The following ZNF469 variants were observed in gnomAD, a reference collection of about 807,000 sequenced individuals.
ZNF469 encodes the protein zinc finger protein 469.
In ZNF469, 1 loss-of-function variant was observed where a neutral mutation model predicts 1.0. The observed-to-expected ratio is 1.00, with a 90% confidence interval of 0.35 to 4.73. The LOEUF (loss-of-function observed/expected upper bound fraction) is 4.73, where lower values mean the gene tolerates loss of function less well. Among genes scored for constraint, ZNF469 ranks in the 30% most tolerant of loss-of-function variants. The probability of loss-of-function intolerance (pLI) is 0.16; values close to 1 mark genes in which losing one functional copy is unlikely to be tolerated. For synonymous variants in ZNF469, 2,703 were observed against 2,363.4 expected (o/e 1.14, Z -4.17); for missense variants, 6,100 against 5,356.3 (o/e 1.14, Z -4.33).
chr16:88,362,289 A>G, the ZNF469 span, among the ~76,000 whole-genome samples: 1 of 152,172 alleles, frequency 6.6e-6, no homozygotes, highest in Non-Finnish European at 1.5e-5. Context: ...AAAATGTGGA[A>G]AGAGCTTTGC....
chr16:88,256,904 T>TCTCTCTCTCTCTC, the ZNF469 span, among the ~76,000 whole-genome samples: 8 of 15,848 alleles, frequency 5.0e-4, no homozygotes, highest in African/African-American at 1.6e-3. Flanking sequence ...CCTTCTTTCT[T>TCTCTCTCTCTCTC]TCTTTCTTTC....
the ZNF469 span, among the ~76,000 whole-genome samples, chr16:88,138,295 T>G: frequency 6.6e-6 from 1 of 152,218 alleles, no homozygotes; most frequent in Non-Finnish European, 1.5e-5. Context: ...CATGTCCTAG[T>G]GCTGGGATCG....
the ZNF469 span, among the ~76,000 whole-genome samples, chr16:88,163,013 A>T: frequency 2.0e-5 from 3 of 151,328 alleles, no homozygotes; most frequent in African/African-American, 7.3e-5. Context: ...GGGTAGATGG[A>T]TGTGTGGATT....
chr16:88,340,253 G>A, the ZNF469 span, among the ~76,000 whole-genome samples: 1 of 152,202 alleles, frequency 6.6e-6, no homozygotes, highest in African/African-American at 2.4e-5. Flanking sequence ...CAGGCACAGA[G>A]CACCTCATAG....
intron 1 of ZNF469, among the ~76,000 whole-genome samples, chr16:88,420,904 A>G (rs1905436538): frequency 6.6e-6 from 1 of 151,330 alleles, no homozygotes; most frequent in Non-Finnish European, 1.5e-5. Flanking sequence ...GCTGGCCCCA[A>G]AGCCCCCTGT....
At chr16:88,125,240 G>A in the ZNF469 span, among the ~76,000 whole-genome samples, 4 of 152,180 alleles carry the variant, frequency 2.6e-5, no homozygotes, top group African/African-American at 7.2e-5. Flanking sequence ...TCTTTACACT[G>A]GCATGCTGTC....
the ZNF469 span, among the ~76,000 whole-genome samples, chr16:88,223,475 T>A: frequency 6.6e-6 from 1 of 152,310 alleles, no homozygotes; most frequent in South Asian, 2.1e-4. Flanking sequence ...AGAGGCTGAG[T>A]AAACACCATG....
chr16:88,439,166 G>A lies in ZNF469; in HGVS notation c.11696G>A (p.Arg3899Lys). ...CTGGGCAAGGCCTTCCCCCAGGGGA[G>A]ACCCCTGCTCAGGCCCCCCAAGAGG... The part of the protein sequence containing the change: ...DRLGKAFPQG[R>K]PLLRPPKRGT... Residue 3899 changes from arginine (R) to lysine (K), a missense_variant, in exon 3 of 3, where the codon AGA (arginine) becomes AAA (lysine). Physicochemically the swap from Arg to Lys is conservative, Grantham distance 26. Transcript: ENST00000565624. 3 of 1,550,552 alleles carry A rather than the reference G, an allele frequency of 1.9e-6. No individual in the cohort carries two copies. Among genetic ancestry groups the A allele is most frequent in the Non-Finnish European group, 2.6e-6 (3 of 1,146,984 alleles).
the ZNF469 span, among the ~76,000 whole-genome samples, chr16:88,298,840 T>C: frequency 6.6e-6 from 1 of 152,092 alleles, no homozygotes; most frequent in Non-Finnish European, 1.5e-5. Flanking sequence ...AAAATCCACA[T>C]CCCTGTAGGG....
At chr16:88,144,639 G>T in the ZNF469 span, among the ~76,000 whole-genome samples, 1 of 152,278 alleles carries the variant, frequency 6.6e-6, no homozygotes, top group African/African-American at 2.4e-5. Flanking sequence ...TCTTTAAGAC[G>T]TATGTTCTCT....
rs1268008230 is a variant in ZNF469, at chr16:88,424,456, A to C, written c.-191-351A>C. 6.6e-6 allele frequency among the ~76,000 whole-genome samples: 1 copy of C among 152,196 alleles called. No individual in the cohort carries two copies. Among genetic ancestry groups the C allele is most frequent in the Non-Finnish European group, 1.5e-5 (1 of 68,018 alleles). On this transcript the variant is annotated intron_variant, in intron 1 of 2. Transcript: ENST00000565624. This position sits in a 1 kb window ranked among gnomAD's most constrained non-coding sequence, Gnocchi z 4.3. ...GGATCCTGGCAGGGATGGGAGGGGC[A>C]GCGTTCTCACTGCAACTCGTAATAA...
the ZNF469 span, among the ~76,000 whole-genome samples, chr16:88,358,681 G>A: frequency 1.3e-5 from 2 of 151,882 alleles, no homozygotes; most frequent in East Asian, 1.9e-4. Context: ...CTGTGTGAAG[G>A]CACCACTTTT....
the ZNF469 span, among the ~76,000 whole-genome samples, chr16:88,329,254 T>C: frequency 1.3e-5 from 2 of 152,082 alleles, no homozygotes; most frequent in Non-Finnish European, 2.9e-5. Context: ...GCCCAGCCAG[T>C]GTGTTTGCTG....
At chr16:88,258,070 A>G in the ZNF469 span, among the ~76,000 whole-genome samples, 1 of 152,254 alleles carries the variant, frequency 6.6e-6, no homozygotes. Context: ...TGCCCCAACC[A>G]GAGGTGATTG....
chr16:88,201,681 C>T, the ZNF469 span, among the ~76,000 whole-genome samples: 1 of 152,130 alleles, frequency 6.6e-6, no homozygotes, highest in Admixed American at 6.5e-5. This position sits in a 1 kb window ranked among gnomAD's most constrained non-coding sequence, Gnocchi z 5.0. Context: ...GGGGTGAGGC[C>T]GCACCTGCCC....
chr16:88,148,801 C>A, the ZNF469 span, among the ~76,000 whole-genome samples: 31 of 152,166 alleles, frequency 2.0e-4, no homozygotes, highest in African/African-American at 7.5e-4. Flanking sequence ...TCTGTTCTCA[C>A]TGGGCCGTTG....
the ZNF469 span, among the ~76,000 whole-genome samples, chr16:88,250,884 T>C: frequency 6.6e-6 from 1 of 152,002 alleles, no homozygotes; most frequent in Non-Finnish European, 1.5e-5. Flanking sequence ...CGTTTTGGGG[T>C]TTTTTTGTTT....
chr16:88,271,011 C>A, the ZNF469 span, among the ~76,000 whole-genome samples: 1 of 152,300 alleles, frequency 6.6e-6, no homozygotes, highest in Admixed American at 6.5e-5. Flanking sequence ...ATCAGACAGG[C>A]CTGGGTTGGG....
chr16:88,357,577 G>A, the ZNF469 span, among the ~76,000 whole-genome samples: 389 of 152,356 alleles, frequency 2.6e-3, 1 homozygote, highest in African/African-American at 8.9e-3. Flanking sequence ...GGTGCTAGCA[G>A]GCAGGCGGGG....
Sources: allele counts gnomAD v4.1 joint callset (sites outside exome capture counted in the v4.1 genomes callset), GRCh38; gene constraint gnomAD v4.1.1; non-coding constraint Gnocchi (gnomAD v3.1); transcripts MANE v1.5; gene names NCBI Gene and HGNC (gene_info 2026-07-23, HGNC 2026-07-21).